The following PTK2B variants were observed in gnomAD, a reference collection of about 807,000 sequenced individuals.
The protein encoded by PTK2B is protein tyrosine kinase 2 beta.
A neutral mutation model predicts 142.9 loss-of-function variants in PTK2B; 71 were observed. That is an observed-to-expected ratio of 0.50 (90% CI 0.41 to 0.61). The LOEUF (loss-of-function observed/expected upper bound fraction) is 0.61, where lower values mean the gene tolerates loss of function less well. PTK2B is among the 20% of genes least tolerant of loss of function. The pLI is 0.00. For missense variants in PTK2B, 1,105 were observed against 1,320.4 expected (o/e 0.84, Z 2.53); for synonymous variants, 519 against 503.4 (o/e 1.03, Z -0.42).
chr8:27,424,456 G>A (rs1442787104), intron 5 of PTK2B, among the ~76,000 whole-genome samples: 1 of 152,170 alleles, frequency 6.6e-6, no homozygotes, highest in Non-Finnish European at 1.5e-5. Context: ...CACTTGTTTT[G>A]TGCAAGAGAT....
intron 2 of PTK2B, among the ~76,000 whole-genome samples, chr8:27,402,416 A>T (rs60795589): frequency 0.35 from 52,935 of 151,998 alleles, 9,741 homozygotes; most frequent in South Asian, 0.52. Context: ...TGCTGAGTAG[A>T]TCCTTGGATA....
chr8:27,392,051 G>A (rs1807758564), intron 1 of PTK2B, among the ~76,000 whole-genome samples: 1 of 152,212 alleles, frequency 6.6e-6, no homozygotes. Flanking sequence ...AAGGGGCAGA[G>A]TTTTTGGCTC....
intron 1 of PTK2B, among the ~76,000 whole-genome samples, chr8:27,329,532 C>G (rs911631438): frequency 5.9e-5 from 9 of 152,158 alleles, no homozygotes; most frequent in Non-Finnish European, 1.2e-4. Flanking sequence ...ACCCATATGT[C>G]TCAGGACCAT....
chr8:27,402,610 C>T (rs1808449974), intron 2 of PTK2B, among the ~76,000 whole-genome samples: 1 of 152,190 alleles, frequency 6.6e-6, no homozygotes, highest in Non-Finnish European at 1.5e-5. Flanking sequence ...GTAGCATGGC[C>T]TAGGGTATTA....
intron 1 of PTK2B, among the ~76,000 whole-genome samples, chr8:27,342,983 A>G (rs1264757220): frequency 6.6e-6 from 1 of 152,142 alleles, no homozygotes; most frequent in Non-Finnish European, 1.5e-5. Context: ...GGTGATGGGG[A>G]GGAGGAGGCG....
chr8:27,412,996 C>T (rs1387291654), intron 2 of PTK2B, among the ~76,000 whole-genome samples: 1 of 151,536 alleles, frequency 6.6e-6, no homozygotes, highest in Non-Finnish European at 1.5e-5. Context: ...ACCAGAGTCT[C>T]TTCTTTTTAT....
intron 1 of PTK2B, among the ~76,000 whole-genome samples, chr8:27,368,851 C>T (rs949961110): frequency 4.6e-5 from 7 of 152,110 alleles, no homozygotes; most frequent in Non-Finnish European, 7.4e-5. Flanking sequence ...CCCTGGGCCC[C>T]GGAGACCCTG....
At chr8:27,407,160 G>A (rs1808768675) in intron 2 of PTK2B, among the ~76,000 whole-genome samples, 1 of 152,008 alleles carries the variant, frequency 6.6e-6, no homozygotes, top group South Asian at 2.1e-4. Context: ...GGAAAGAAAG[G>A]GCCTTCTAAA....
At chr8:27,434,372 T>G in intron 12 of PTK2B, 141 bp from the exon 13 acceptor site, 1 of 1,090,344 alleles carries the variant, frequency 9.2e-7, no homozygotes, top group Non-Finnish European at 1.3e-6. Context: ...CCCAGCAGCC[T>G]GGGCTGTGCT....
intron 1 of PTK2B, among the ~76,000 whole-genome samples, chr8:27,351,048 T>A (rs1805063959): frequency 8.7e-6 from 1 of 114,776 alleles, no homozygotes; most frequent in African/African-American, 3.5e-5. Context: ...TATACGTGCT[T>A]GGAGCAGGCA....
At chr8:27,322,471 G>C (rs563849460), upstream of PTK2B, 1 of 152,288 alleles carries the variant, frequency 6.6e-6, no homozygotes, top group Admixed American at 6.5e-5. Context: ...TCTTGGCACA[G>C]AGTGAACACT....
chr8:27,340,020 A>G (rs1353808018), intron 1 of PTK2B, among the ~76,000 whole-genome samples: 1 of 152,208 alleles, frequency 6.6e-6, no homozygotes, highest in East Asian at 1.9e-4. Context: ...GAATGAGTCT[A>G]TGTGCTTCCT....
Position 27,437,453 on chromosome 8 carries a change from A to G in PTK2B, c.1484A>G (p.Glu495Gly). 1 of 1,613,202 alleles carries G rather than the reference A, an allele frequency of 6.2e-7. No individual in the cohort carries two copies. Among genetic ancestry groups the G allele is most frequent in the East Asian group, 2.2e-5 (1 of 44,882 alleles). ...GTGAAGCTGATCGGCATCATTGAAGAGGAGCCCACCTGGATCATCATGGAA... is the reference window on the plus strand; with the variant it reads ...GTGAAGCTGATCGGCATCATTGAAGGGGAGCCCACCTGGATCATCATGGAA... ...HIVKLIGIIE[E>G]EPTWIIMELY... The change falls in exon 17 of 31, where the codon GAG (glutamate) becomes GGG (glycine). Residue 495 changes from glutamate (E) to glycine (G), a missense_variant. By Grantham distance (98) the Glu-to-Gly change is moderately conservative (BLOSUM62 -2). Transcript: ENST00000346049.
intron 1 of PTK2B, among the ~76,000 whole-genome samples, chr8:27,344,038 AT>A (rs1804572090): frequency 6.6e-6 from 1 of 151,978 alleles, no homozygotes. Flanking sequence ...AAAAATAAAA[AT>A]TTTTTCATCA....
chr8:27,434,024 G>A, intron 11 of PTK2B, 69 bp from the exon 12 acceptor site: 1 of 1,534,090 alleles, frequency 6.5e-7, no homozygotes, highest in Non-Finnish European at 9.0e-7. Flanking sequence ...GGAATAGTGA[G>A]GAGGTCAGTC....
intron 5 of PTK2B, among the ~76,000 whole-genome samples, chr8:27,426,661 A>G (rs1471107585): frequency 6.6e-6 from 1 of 152,190 alleles, no homozygotes; most frequent in African/African-American, 2.4e-5. Flanking sequence ...GTGATTGGAC[A>G]GTTTTGTCAA....
At position 27,442,878 on chromosome 8, in the gene PTK2B, C is replaced by G; in HGVS notation, c.2043C>G (p.Asp681Glu). The change falls in exon 22 of 31, where the codon GAC becomes GAG. Residue 681 changes from aspartate (D) to glutamate (E), a missense_variant. Physicochemically the swap from Asp to Glu is conservative, Grantham distance 45. Transcript: ENST00000346049. ...TATCTGACGTGACTCCCTGCAGTGACGTTTATCAGATGGAGAAGGACATTG... is the reference window on the plus strand; with the variant it reads ...TATCTGACGTGACTCCCTGCAGTGAGGTTTATCAGATGGAGAAGGACATTG... The part of the protein sequence containing the change: ...RFTELVCSLS[D>E]VYQMEKDIAM... 1 of 1,613,490 alleles carries G rather than the reference C, an allele frequency of 6.2e-7. No individual in the cohort carries two copies. Among genetic ancestry groups the G allele is most frequent in the Non-Finnish European group, 8.5e-7 (1 of 1,179,430 alleles).
At chr8:27,420,569 A>C (rs1465340548) in intron 3 of PTK2B, 88 bp from the exon 4 acceptor site, 17 of 1,265,246 alleles carry the variant, frequency 1.3e-5, no homozygotes, top group Admixed American at 1.7e-5. Context: ...GCACTAGGGG[A>C]TGGGCTTGCT....
intron 1 of PTK2B, among the ~76,000 whole-genome samples, chr8:27,342,683 C>T (rs964841776): frequency 5.9e-5 from 9 of 152,162 alleles, no homozygotes; most frequent in African/African-American, 2.2e-4. Context: ...CCAGTTCATC[C>T]CGTCTGTGCT....
Sources: allele counts gnomAD v4.1 joint callset (sites outside exome capture counted in the v4.1 genomes callset), GRCh38; gene constraint gnomAD v4.1.1; transcripts MANE v1.5; gene names NCBI Gene and HGNC (gene_info 2026-07-23, HGNC 2026-07-21).